Variants in LINGO2 observed in about 807,000 individuals in gnomAD.
The protein encoded by LINGO2 is leucine rich repeat and Ig domain containing 2, also known as leucine-rich repeat and immunoglobulin-like domain-containing nogo receptor-interacting protein 2.
A neutral mutation model predicts 30.6 loss-of-function variants in LINGO2; 14 were observed. That is an observed-to-expected ratio of 0.46 (90% CI 0.30 to 0.72). The LOEUF (loss-of-function observed/expected upper bound fraction) is 0.72, where lower values mean the gene tolerates loss of function less well. Ranked by LOEUF, LINGO2 falls within the 30% of genes least tolerant of loss-of-function variation. The pLI is 0.07. For missense variants in LINGO2, 729 were observed against 751.7 expected (o/e 0.97, Z 0.35); for synonymous variants, 317 against 288.5 (o/e 1.10, Z -1.00).
At chr9:28,294,311 T>C (rs1435395739) in intron 4 of LINGO2, among the ~76,000 whole-genome samples, 3 of 152,182 alleles carry the variant, frequency 2.0e-5, no homozygotes, top group Non-Finnish European at 4.4e-5. Flanking sequence ...TGCTCAAGCA[T>C]TAGTGACATA....
chr9:28,939,230 G>A, the LINGO2 span, among the ~76,000 whole-genome samples: 3 of 151,978 alleles, frequency 2.0e-5, no homozygotes, highest in African/African-American at 7.2e-5. Context: ...AAGTGACAAC[G>A]AAGAGAACAG....
chr9:28,086,386 T>C (rs996273954), intron 4 of LINGO2, among the ~76,000 whole-genome samples: 4 of 152,104 alleles, frequency 2.6e-5, no homozygotes, highest in South Asian at 4.1e-4. Flanking sequence ...AGTACAGAGA[T>C]ATAATCTTTA....
chr9:28,557,083 A>G (rs1167340259), intron 1 of LINGO2, among the ~76,000 whole-genome samples: 1 of 152,114 alleles, frequency 6.6e-6, no homozygotes, highest in African/African-American at 2.4e-5. Context: ...GGACATAGGC[A>G]TGGGCAAGGA....
chr9:29,155,004 C>G, the LINGO2 span, among the ~76,000 whole-genome samples: 1 of 152,120 alleles, frequency 6.6e-6, no homozygotes, highest in African/African-American at 2.4e-5. Flanking sequence ...TCCTCAGCAA[C>G]AAAAGAGCAA....
chr9:28,931,840 T>C, the LINGO2 span, among the ~76,000 whole-genome samples: 1 of 151,048 alleles, frequency 6.6e-6, no homozygotes. Flanking sequence ...CTGGGTGCGG[T>C]GGCTCATGCC....
At chr9:28,630,750 C>T (rs1021380372) in intron 1 of LINGO2, among the ~76,000 whole-genome samples, 1 of 152,020 alleles carries the variant, frequency 6.6e-6, no homozygotes, top group Non-Finnish European at 1.5e-5. Flanking sequence ...AAAATTCAAC[C>T]TTACATAATA....
chr9:28,054,807 A>G (rs1824846037), intron 4 of LINGO2, among the ~76,000 whole-genome samples: 2 of 152,060 alleles, frequency 1.3e-5, no homozygotes, highest in Admixed American at 1.3e-4. Context: ...AATTTTCAAT[A>G]TTTCCTTAAG....
At chr9:28,880,474 G>C in the LINGO2 span, among the ~76,000 whole-genome samples, 2 of 152,126 alleles carry the variant, frequency 1.3e-5, no homozygotes, top group Admixed American at 6.6e-5. Flanking sequence ...AAAAGTCATC[G>C]CCATTCTCTA....
At chr9:28,400,982 T>C (rs1696671690) in intron 2 of LINGO2, among the ~76,000 whole-genome samples, 1 of 152,138 alleles carries the variant, frequency 6.6e-6, no homozygotes, top group South Asian at 2.1e-4. Flanking sequence ...TTCATGGACA[T>C]TGAATCAAGG....
At position 28,231,172 on chromosome 9, in the gene LINGO2, A is replaced by AG. The variant is rs1470192858; in HGVS notation, c.-87+64035_-87+64036insC. 2.0e-5 allele frequency among the ~76,000 whole-genome samples: 3 copies of AG among 151,992 alleles called. No homozygotes were observed. In the East Asian group the frequency reaches 5.8e-4, roughly 29 times the overall value. On this transcript the variant is annotated intron_variant, in intron 4 of 5. Transcript: ENST00000379992. ...GGTTAGCTTAAGCCTCAAAAAAAAA[A>AG]TACTACCTTTATGAACAAAGAAAAA...
At chr9:28,942,139 T>C in the LINGO2 span, among the ~76,000 whole-genome samples, 2 of 152,088 alleles carry the variant, frequency 1.3e-5, no homozygotes, top group Non-Finnish European at 2.9e-5. Context: ...AAAGAGGAGC[T>C]ATTGTGAAAG....
chr9:28,763,215 A>G, the LINGO2 span, among the ~76,000 whole-genome samples: 1 of 152,060 alleles, frequency 6.6e-6, no homozygotes, highest in African/African-American at 2.4e-5. Flanking sequence ...AGACATATAC[A>G]GAAGTTTTCT....
intron 4 of LINGO2, among the ~76,000 whole-genome samples, chr9:28,268,332 C>T (rs1822825811): frequency 6.6e-6 from 1 of 151,988 alleles, no homozygotes; most frequent in African/African-American, 2.4e-5. Flanking sequence ...GTGATGGTAT[C>T]TGAAGTAAGG....
intron 4 of LINGO2, among the ~76,000 whole-genome samples, chr9:28,071,261 C>G (rs1008785983): frequency 2.0e-5 from 3 of 152,126 alleles, no homozygotes; most frequent in Non-Finnish European, 4.4e-5. Flanking sequence ...GTGCTCAGCT[C>G]TTAACAACTA....
At chr9:28,224,126 G>A (rs1438864035) in intron 4 of LINGO2, among the ~76,000 whole-genome samples, 1 of 152,102 alleles carries the variant, frequency 6.6e-6, no homozygotes, top group African/African-American at 2.4e-5. Flanking sequence ...GTGCAGTGGT[G>A]CCATCTCGGC....
intron 2 of LINGO2, among the ~76,000 whole-genome samples, chr9:28,433,509 A>G (rs1264668067): frequency 1.3e-5 from 2 of 152,280 alleles, no homozygotes; most frequent in African/African-American, 4.8e-5. Flanking sequence ...AAGGAAAAAA[A>G]CAGATTTAAG....
At chr9:28,988,526 A>G in the LINGO2 span, among the ~76,000 whole-genome samples, 1 of 152,054 alleles carries the variant, frequency 6.6e-6, no homozygotes. Flanking sequence ...ATCCATCTAC[A>G]CTCACAGCAA....
chr9:28,015,671 G>T (rs1267532241), intron 4 of LINGO2, among the ~76,000 whole-genome samples: 1 of 152,090 alleles, frequency 6.6e-6, no homozygotes, highest in Non-Finnish European at 1.5e-5. Context: ...AAGGATAGTT[G>T]TTTTTAATAA....
chr9:28,632,865 TATATATATATATATGTAGAG>T (rs1563879050), intron 1 of LINGO2, among the ~76,000 whole-genome samples: 1 of 108,102 alleles, frequency 9.3e-6, no homozygotes, highest in African/African-American at 4.0e-5. Context: ...TTTATATATA[TATATATATATATATGTAGAG>T]AGAGAGAGAG....
Sources: allele counts gnomAD v4.1 joint callset (sites outside exome capture counted in the v4.1 genomes callset), GRCh38; gene constraint gnomAD v4.1.1; transcripts MANE v1.5; gene names NCBI Gene and HGNC (gene_info 2026-07-23, HGNC 2026-07-21).